The following TBC1D8B variants were observed in gnomAD, a reference collection of about 807,000 sequenced individuals.
TBC1D8B encodes TBC1 domain family member 8B.
In TBC1D8B, 75 loss-of-function variants were observed where a neutral mutation model predicts 82.9. The observed-to-expected ratio is 0.90, with a 90% CI of 0.75 to 1.10. TBC1D8B has a LOEUF of 1.10. TBC1D8B is among the 50% of genes least tolerant of loss of function. The probability of loss-of-function intolerance (pLI) is 0.00; values close to 1 mark genes in which losing one functional copy is unlikely to be tolerated. For missense variants in TBC1D8B, 794 were observed against 796.9 expected (o/e 1.00, Z 0.04); for synonymous variants, 276 against 276.8 (o/e 1.00, Z 0.03).
chrX:106,819,275 C>G (rs921055810), intron 2 of TBC1D8B, among the ~76,000 whole-genome samples: 2 of 110,913 alleles, frequency 1.8e-5, no homozygotes, highest in African/African-American at 6.5e-5. Flanking sequence ...GAATGTCTTA[C>G]AGTTAATGTT....
In TBC1D8B at chrX:106,874,053, T is replaced by C; in HGVS notation, c.*88T>C. ...CCTGTGAGTAGGGCTCAGGGATTTA[T>C]CTTGTTACCAATGTGTCTGAAGGCC... On this transcript the variant is annotated 3_prime_UTR_variant, in exon 21 of 21. Coordinates refer to ENST00000357242, the MANE Select transcript of TBC1D8B (RefSeq NM_017752.3). 9.8e-7 allele frequency: 1 copy of C among 1,016,206 alleles called. No homozygotes were observed. The highest frequency in any genetic ancestry group is 1.3e-6 in the Non-Finnish European group (1 of 762,262). 83.7% of individuals were successfully genotyped at this position (1,016,206 alleles called of 1,213,427 possible). A position where few individuals can be genotyped will look rare whatever the true frequency, so the allele number is the denominator to read the frequency against.
At chrX:106,859,225 G>A (rs1232872764) in intron 14 of TBC1D8B, among the ~76,000 whole-genome samples, 3 of 111,986 alleles carry the variant, frequency 2.7e-5, no homozygotes, top group Non-Finnish European at 5.6e-5. Flanking sequence ...TTCTAGAATA[G>A]TTTTTTCTAA....
chrX:106,843,283 A>G (rs771457925), intron 10 of TBC1D8B, among the ~76,000 whole-genome samples: 1 of 111,653 alleles, frequency 9.0e-6, no homozygotes, highest in East Asian at 2.8e-4. Context: ...TTCCAAAGAG[A>G]CTGCACCATT....
chrX:106,821,968 C>G lies in TBC1D8B; in HGVS notation c.361-9C>G. On this transcript the variant is annotated splice_polypyrimidine_tract_variant and intron_variant, in intron 3 of 20. Coordinates refer to ENST00000357242, the MANE Select transcript of TBC1D8B (RefSeq NM_017752.3). ...GATGAATTTTCAGAAAATATTTTGT[C>G]TCCTTTAGGGATTAATTGCTGAAGA... 8.4e-7 allele frequency: 1 copy of G among 1,187,888 alleles called. No individual in the cohort carries two copies. Among genetic ancestry groups the G allele is most frequent in the Admixed American group, 2.3e-5 (1 of 43,530 alleles).
At chrX:106,805,976 C>G (rs1030910658) in intron 1 of TBC1D8B, among the ~76,000 whole-genome samples, 1 of 112,307 alleles carries the variant, frequency 8.9e-6, no homozygotes, top group Non-Finnish European at 1.9e-5. Context: ...CATCTAGAAA[C>G]CTTAGTGGTT....
intron 10 of TBC1D8B, among the ~76,000 whole-genome samples, chrX:106,841,271 A>G (rs981800250): frequency 8.9e-6 from 1 of 111,877 alleles, no homozygotes; most frequent in African/African-American, 3.2e-5. Context: ...CATGATTTAT[A>G]ACAAGGAGAA....
chrX:106,839,571 A>T, intron 8 of TBC1D8B, 114 bp downstream of exon 8: 2 of 753,999 alleles, frequency 2.7e-6, no homozygotes, highest in Non-Finnish European at 3.7e-6. Flanking sequence ...GGACTTGAAA[A>T]GTTTTCCAGC....
chrX:106,807,245 T>C (rs940918915), intron 1 of TBC1D8B, among the ~76,000 whole-genome samples: 7 of 106,760 alleles, frequency 6.6e-5, no homozygotes, highest in African/African-American at 2.4e-4. Flanking sequence ...CACACAAAAT[T>C]AATAAGTTAA....
chrX:106,814,699 C>T (rs1447444872), intron 1 of TBC1D8B: 14 of 110,573 alleles, frequency 1.3e-4, no homozygotes, highest in Admixed American at 1.3e-3. Flanking sequence ...ACATCCTCTC[C>T]AGCACCTGTT....
rs147571776 is a variant in TBC1D8B, at chrX:106,873,648, A to C, written c.3046A>C (p.Ile1016Leu). 171 of 1,209,849 alleles carry C rather than the reference A, an allele frequency of 1.4e-4. No individual in the cohort carries two copies. The highest frequency in any genetic ancestry group is 6.1e-4 in the Admixed American group (28 of 45,805). ...DPEEESLYQA[I>L]AVVTSLLLRM... Reference sequence around the variant, plus strand: ...TGAAGAAGAATCATTATATCAAGCCATTGCTGTTGTAACCAGCCTTTTACT... The same window carrying C: ...TGAAGAAGAATCATTATATCAAGCCCTTGCTGTTGTAACCAGCCTTTTACT... The change falls in exon 21 of 21, where the codon ATT becomes CTT. Residue 1016 changes from isoleucine to leucine, a missense_variant. Ile to Leu is a conservative substitution (Grantham distance 5, BLOSUM62 2). Coordinates refer to ENST00000357242, the MANE Select transcript of TBC1D8B (RefSeq NM_017752.3).
In TBC1D8B at chrX:106,839,467, C is replaced by A; in HGVS notation, c.1353+10C>A. On this transcript the variant is annotated intron_variant, in intron 8 of 20. Coordinates refer to ENST00000357242, the MANE Select transcript of TBC1D8B (RefSeq NM_017752.3). Reference sequence around the variant, plus strand: ...TCTTAATTCTAAAATGGTAGGAAAACAAAATATTTAAACCTATGGGCTGAA... The same window carrying A: ...TCTTAATTCTAAAATGGTAGGAAAAAAAAATATTTAAACCTATGGGCTGAA... The A allele has an allele frequency of 1.8e-6, 2 of 1,133,432 alleles. No individual in the cohort carries two copies. The highest frequency in any genetic ancestry group is 3.1e-5 in the East Asian group (1 of 32,477). 93.4% of individuals were successfully genotyped at this position (1,133,432 alleles called of 1,213,427 possible). A position where few individuals can be genotyped will look rare whatever the true frequency, so the allele number is the denominator to read the frequency against.
At position 106,803,114 on chromosome X, in the gene TBC1D8B, C is replaced by T; in HGVS notation, c.130+131C>T. 5.4e-6 allele frequency: 4 copies of T among 746,199 alleles called. 1 individual carries two copies. Among genetic ancestry groups the T allele is most frequent in the South Asian group, 7.2e-5 (2 of 27,759 alleles). 61.5% of individuals were successfully genotyped at this position (746,199 alleles called of 1,213,427 possible). A position where few individuals can be genotyped will look rare whatever the true frequency, so the allele number is the denominator to read the frequency against. On this transcript the variant is annotated intron_variant, in intron 1 of 20. Transcript: ENST00000357242. ...TGGGCGGAGGGACTGGGGTTCTTCT[C>T]CCGACACCACCTTTCCGCCACCACC...
At position 106,802,951 on chromosome X, in the gene TBC1D8B, G is replaced by A. The variant is rs1406112485; in HGVS notation, c.98G>A (p.Gly33Asp). The change falls in exon 1 of 21, where the codon GGC (glycine) becomes GAC (aspartate). Residue 33 changes from glycine (G) to aspartate (D), a missense_variant. By Grantham distance (94) the Gly-to-Asp change is moderately conservative (BLOSUM62 -1). Coordinates refer to ENST00000357242, the MANE Select transcript of TBC1D8B (RefSeq NM_017752.3). ...TACTTCGTGCTGCAGCGGCGTCGGG[G>A]CTACGGGGAGGAAGGCGGAGGGGGG... ...NDYFVLQRRR[G>D]YGEEGGGGLT... 2 of 1,210,007 alleles carry A rather than the reference G, an allele frequency of 1.7e-6. No homozygotes were observed. The highest frequency in any genetic ancestry group is 4.3e-5 in the Admixed American group (2 of 45,997).
Position 106,874,040 on chromosome X carries a change from G to C in TBC1D8B, c.*75G>C. The C allele has an allele frequency of 9.5e-7, 1 of 1,050,383 alleles. No individual in the cohort carries two copies. The highest frequency in any genetic ancestry group is 1.3e-6 in the Non-Finnish European group (1 of 789,416). 86.6% of individuals were successfully genotyped at this position (1,050,383 alleles called of 1,213,427 possible). On this transcript the variant is annotated 3_prime_UTR_variant, in exon 21 of 21. Coordinates refer to ENST00000357242, the MANE Select transcript of TBC1D8B (RefSeq NM_017752.3). ...TGTCAGTTTGATTCCTGTGAGTAGG[G>C]CTCAGGGATTTATCTTGTTACCAAT... is the stretch of plus-strand genomic sequence containing the variant.
Position 106,826,125 on chromosome X carries a change from G to A in TBC1D8B, c.923G>A (p.Trp308Ter). ...AAAGAAGTACATGAATGTTTCTTAT[G>A]GGTACCATTCAGCCACTTCAATACT... is the stretch of plus-strand genomic sequence containing the variant. ...SLKEVHECFLWVPFSHFNTHG... is the reference protein window; with the variant it reads ...SLKEVHECFL Residue 308 changes from tryptophan (W) to a stop codon, truncating the protein, a stop_gained, in exon 6 of 21, where the codon TGG (tryptophan) becomes TAG (stop). Coordinates refer to ENST00000357242, the MANE Select transcript of TBC1D8B (RefSeq NM_017752.3). LOFTEE classifies it high-confidence loss of function. The A allele has an allele frequency of 1.7e-6, 2 of 1,209,577 alleles. No individual in the cohort carries two copies. Among genetic ancestry groups the A allele is most frequent in the Non-Finnish European group, 2.2e-6 (2 of 893,969 alleles).
chrX:106,823,616 T>G (rs1218196351), intron 5 of TBC1D8B, 150 bp downstream of exon 5: 19 of 519,922 alleles, frequency 3.7e-5, no homozygotes, highest in Non-Finnish European at 5.3e-5. Flanking sequence ...TTTGTGAGTT[T>G]ATTCATATGC....
In TBC1D8B at chrX:106,818,717, C is replaced by T. The variant is rs774056268; in HGVS notation, c.185C>T (p.Pro62Leu). 1.1e-5 allele frequency: 13 copies of T among 1,206,764 alleles called. No homozygotes were observed. Among genetic ancestry groups the T allele is most frequent in the Non-Finnish European group, 1.5e-5 (13 of 893,451 alleles). Reference sequence around the variant, plus strand: ...TTGGACTCTACTGCTAAAGTAGCTCCATTTCGCATCCTACACCAGACACCA... The same window carrying T: ...TTGGACTCTACTGCTAAAGTAGCTCTATTTCGCATCCTACACCAGACACCA... ...SVLDSTAKVAPFRILHQTPDS... is the reference protein window; with the variant it reads ...SVLDSTAKVALFRILHQTPDS... Residue 62 changes from proline (P) to leucine (L), a missense_variant, in exon 2 of 21, where the codon CCA (proline) becomes CTA (leucine). Pro to Leu is a moderately conservative substitution (Grantham distance 98, BLOSUM62 -3). Coordinates refer to ENST00000357242, the MANE Select transcript of TBC1D8B (RefSeq NM_017752.3).
chrX:106,838,740 T>G (rs1052951913), intron 7 of TBC1D8B, among the ~76,000 whole-genome samples: 1 of 112,045 alleles, frequency 8.9e-6, no homozygotes, highest in Non-Finnish European at 1.9e-5. Context: ...TATAATACCC[T>G]GGGAACAGAG....
chrX:106,802,875 G>C lies in TBC1D8B; in HGVS notation c.22G>C (p.Val8Leu), dbSNP rs1265786428. 1 of 1,209,391 alleles carries C rather than the reference G, an allele frequency of 8.3e-7. No individual in the cohort carries two copies. Among genetic ancestry groups the C allele is most frequent in the African/African-American group, 1.8e-5 (1 of 57,008 alleles). The part of the protein sequence containing the change: MWLKPEE[V>L]LLKNALKLWL... Reference sequence around the variant, plus strand: ...CGCGATGTGGCTGAAGCCTGAGGAAGTGCTTCTGAAAAATGCGCTGAAGCT... The same window carrying C: ...CGCGATGTGGCTGAAGCCTGAGGAACTGCTTCTGAAAAATGCGCTGAAGCT... The change falls in exon 1 of 21, where the codon GTG becomes CTG. Residue 8 changes from valine (V) to leucine (L), a missense_variant. Transcript: ENST00000357242.
Sources: allele counts gnomAD v4.1 joint callset (sites outside exome capture counted in the v4.1 genomes callset), GRCh38; gene constraint gnomAD v4.1.1; transcripts MANE v1.5; gene names NCBI Gene and HGNC (gene_info 2026-07-23, HGNC 2026-07-21).